The following GNA14 variants were observed in gnomAD, a reference collection of about 807,000 sequenced individuals.
GNA14 encodes the protein guanine nucleotide-binding protein subunit alpha-14.
GNA14 carries 50 observed loss-of-function variants against 42.0 expected under a neutral mutation model. The observed-to-expected ratio is 1.19, with a 90% CI of 0.95 to 1.51. The LOEUF (loss-of-function observed/expected upper bound fraction) is 1.51. GNA14 is among the 40% of genes most tolerant of loss of function. The pLI is 0.00. For synonymous variants in GNA14, 173 were observed against 163.1 expected, an observed-to-expected ratio of 1.06 and a Z score of -0.46; for missense variants, 473 against 446.2, an observed-to-expected ratio of 1.06 and a Z score of -0.54.
chr9:77,484,172 G>A (rs1420133346), intron 2 of GNA14, among the ~76,000 whole-genome samples: 4 of 152,170 alleles, frequency 2.6e-5, no homozygotes, highest in African/African-American at 7.2e-5. Flanking sequence ...ATCAGAACTT[G>A]CAGTCAATTA....
chr9:77,470,506 G>T (rs1836311759), intron 2 of GNA14, among the ~76,000 whole-genome samples: 1 of 152,190 alleles, frequency 6.6e-6, no homozygotes, highest in African/African-American at 2.4e-5. Flanking sequence ...GCTTATAGCA[G>T]ATTGGGGTAT....
At chr9:77,556,985 T>A (rs1222763808) in intron 1 of GNA14, among the ~76,000 whole-genome samples, 1 of 152,114 alleles carries the variant, frequency 6.6e-6, no homozygotes, top group Non-Finnish European at 1.5e-5. Context: ...AGAAAAGACA[T>A]TTTTCCACCC....
chr9:77,589,121 T>C (rs1364634535), intron 1 of GNA14, among the ~76,000 whole-genome samples: 1 of 152,246 alleles, frequency 6.6e-6, no homozygotes, highest in East Asian at 1.9e-4. Flanking sequence ...AGGAATCTAT[T>C]ATAGCTCAGT....
chr9:77,618,646 T>G (rs1197628406), intron 1 of GNA14, among the ~76,000 whole-genome samples: 1 of 96,380 alleles, frequency 1.0e-5, no homozygotes. Flanking sequence ...TTTTTTTTTT[T>G]TTTTTGAGAC....
chr9:77,560,993 A>AC, intron 1 of GNA14, among the ~76,000 whole-genome samples: 1 of 152,332 alleles, frequency 6.6e-6, no homozygotes, highest in Middle Eastern at 3.4e-3. Context: ...ACCACATAAG[A>AC]CCGTCCTCTT....
intron 1 of GNA14, among the ~76,000 whole-genome samples, chr9:77,605,543 A>G (rs1823633536): frequency 6.6e-6 from 1 of 152,230 alleles, no homozygotes; most frequent in African/African-American, 2.4e-5. Context: ...ATGTGAAAGG[A>G]TAAAGAAAAT....
intron 1 of GNA14, among the ~76,000 whole-genome samples, chr9:77,566,985 A>C (rs1469318473): frequency 6.6e-6 from 1 of 152,224 alleles, no homozygotes; most frequent in East Asian, 1.9e-4. Context: ...TTTCCCAAAA[A>C]TACTGCCCTT....
chr9:77,529,171 C>G lies in GNA14; in HGVS notation c.207G>C (p.Lys69Asn). ...HGSGYSDEDRKGFTKLVYQNI... is the reference protein window; with the variant it reads ...HGSGYSDEDRNGFTKLVYQNI... ...TTTGGTAAACCAGCTTCGTGAACCC[C>G]TTTCTGTCTTCGTCGCTGTAACCAG... The change falls in exon 2 of 7, where the codon AAG becomes AAC. Residue 69 changes from lysine (K) to asparagine (N), a missense_variant. Coordinates refer to ENST00000341700, the MANE Select transcript of GNA14 (RefSeq NM_004297.4). The G allele has an allele frequency of 1.9e-6, 3 of 1,614,008 alleles. No homozygotes were observed. The highest frequency in any genetic ancestry group is 2.5e-6 in the Non-Finnish European group (3 of 1,179,880).
At chr9:77,463,336 G>C (rs1836149624) in intron 2 of GNA14, among the ~76,000 whole-genome samples, 1 of 152,106 alleles carries the variant, frequency 6.6e-6, no homozygotes, top group African/African-American at 2.4e-5. Context: ...CTCTACTCAA[G>C]ACAGCCAAGA....
intron 1 of GNA14, among the ~76,000 whole-genome samples, chr9:77,605,665 G>C (rs1277963856): frequency 6.6e-6 from 1 of 152,182 alleles, no homozygotes; most frequent in African/African-American, 2.4e-5. Context: ...AAATAAGCCA[G>C]GCACAGAAAG....
chr9:77,636,343 TTC>T (rs1251775967), intron 1 of GNA14, among the ~76,000 whole-genome samples: 1 of 152,202 alleles, frequency 6.6e-6, no homozygotes, highest in African/African-American at 2.4e-5. Flanking sequence ...TTTTACTTTT[TTC>T]TCTCATTCAT....
chr9:77,456,598 G>T (rs939737904), intron 2 of GNA14: 3 of 152,204 alleles, frequency 2.0e-5, no homozygotes, highest in Non-Finnish European at 4.4e-5. Context: ...AAAGCACGAT[G>T]TGACTGTTTC....
At chr9:77,638,916 T>C (rs1051543007) in intron 1 of GNA14, among the ~76,000 whole-genome samples, 2 of 152,136 alleles carry the variant, frequency 1.3e-5, no homozygotes, top group African/African-American at 4.8e-5. Flanking sequence ...TGTGTGAAAT[T>C]TTCATAGCCC....
chr9:77,597,928 G>T lies in GNA14; in HGVS notation c.124+49742C>A, dbSNP rs181046128. Among the ~76,000 whole-genome samples, 1,065 of 152,192 alleles carry T rather than the reference G, an allele frequency of 7.0e-3. 6 individuals carry two copies. The highest frequency in any genetic ancestry group is 0.014 in the Middle Eastern group (4 of 294). ...AAAATACAAAAATTAGCTGGGCGTG[G>T]TGGTGCATGCTGAGACAGGAGAATA... On this transcript the variant is annotated intron_variant, in intron 1 of 6. Transcript: ENST00000341700.
chr9:77,638,805 G>T (rs1030141113), intron 1 of GNA14, among the ~76,000 whole-genome samples: 1 of 152,216 alleles, frequency 6.6e-6, no homozygotes, highest in Non-Finnish European at 1.5e-5. Flanking sequence ...GTGAATTGCA[G>T]CTTTGGATAG....
Position 77,429,013 on chromosome 9 carries a change from C to A in GNA14, c.617G>T (p.Arg206Leu). Residue 206 changes from arginine to leucine, a missense_variant, in exon 5 of 7, where the codon CGA becomes CTA. Physicochemically the swap from Arg to Leu is moderately radical, Grantham distance 102 (BLOSUM62 -2). Transcript: ENST00000341700. ...IFRMVDVGGQ[R>L]SERRKWIHCF... ...GTGAATCCACTTCCGTCTTTCCGAT[C>A]GTTGGCCACCAACATCCACCATCCT... is the stretch of plus-strand genomic sequence containing the variant. 1 of 1,614,044 alleles carries A rather than the reference C, an allele frequency of 6.2e-7. No individual in the cohort carries two copies. Among genetic ancestry groups the A allele is most frequent in the Non-Finnish European group, 8.5e-7 (1 of 1,179,938 alleles).
Position 77,647,826 on chromosome 9 carries a change from G to T in GNA14, c.-33C>A. 6.3e-7 allele frequency: 1 copy of T among 1,591,510 alleles called. No individual in the cohort carries two copies. The highest frequency in any genetic ancestry group is 8.5e-7 in the Non-Finnish European group (1 of 1,172,902). On this transcript the variant is annotated 5_prime_UTR_variant, in exon 1 of 7. Transcript: ENST00000341700. ...TCAGCTCAGTACCCGACGGGGCGAC[G>T]CGGCCCCGGGCACCCGAATCCTCGG...
intron 2 of GNA14, among the ~76,000 whole-genome samples, chr9:77,459,789 T>C (rs1836073014): frequency 1.3e-5 from 2 of 152,172 alleles, no homozygotes; most frequent in African/African-American, 4.8e-5. Flanking sequence ...TCCCCTGACT[T>C]CCAGGTACAA....
chr9:77,491,840 AC>A lies in GNA14; in HGVS notation c.309+37228del. Among the ~76,000 whole-genome samples, 8 of 152,336 alleles carry A rather than the reference AC, an allele frequency of 5.3e-5. 1 individual carries two copies. The highest frequency in any genetic ancestry group is 5.2e-4 in the Admixed American group (8 of 15,300). Reference sequence around the variant, plus strand: ...CTAACTGACATTTACAGAACATTTCACCCAACTGCTGTAGAATACACATTCT... The same window carrying A: ...CTAACTGACATTTACAGAACATTTCACCAACTGCTGTAGAATACACATTCT... On this transcript the variant is annotated intron_variant, in intron 2 of 6. Transcript: ENST00000341700.
Sources: gnomAD v4.1 joint callset for allele counts (sites outside exome capture counted in the v4.1 genomes callset) on GRCh38, gnomAD v4.1.1 for gene constraint, MANE v1.5 for transcripts, NCBI Gene and HGNC (gene_info 2026-07-23, HGNC 2026-07-21) for gene names.